Variants in ACTA2 observed in about 807,000 individuals in gnomAD.
ACTA2 encodes actin, aortic smooth muscle.
ACTA2 carries 12 observed loss-of-function variants against 39.5 expected under a neutral mutation model. That is an observed-to-expected ratio of 0.30 (90% CI 0.19 to 0.49). The LOEUF (loss-of-function observed/expected upper bound fraction) is 0.49, where lower values mean the gene tolerates loss of function less well. Ranked by LOEUF, ACTA2 falls within the 20% of genes least tolerant of loss-of-function variation. The pLI is 0.99. For missense variants in ACTA2, 236 were observed against 498.8 expected (o/e 0.47, Z 5.02); for synonymous variants, 158 against 180.6 (o/e 0.88, Z 1.00).
intron 1 of ACTA2, among the ~76,000 whole-genome samples, chr10:88,978,517 C>G (rs1846629775): frequency 6.6e-6 from 1 of 152,170 alleles, no homozygotes; most frequent in Admixed American, 6.5e-5. Flanking sequence ...TCTGCTCAGC[C>G]TTTCATCACC....
Position 88,991,185 on chromosome 10 carries a change from C to T in ACTA2, c.-270G>A, listed in dbSNP as rs1847177932. The T allele has an allele frequency of 8.7e-6, 5 of 575,046 alleles. No individual in the cohort carries two copies. The East Asian group carries it at 1.5e-4, about 17-fold the overall frequency. 35.6% of individuals were successfully genotyped at this position (575,046 alleles called of 1,614,324 possible). On this transcript the variant is annotated 5_prime_UTR_variant, in exon 1 of 5. Coordinates refer to the ACTA2 transcript ENST00000415557. Reference sequence around the variant, plus strand: ...GGCAGGCGGGGCAGCTCCGGCGCTCCTCGGAGACCACTGCGCTCCACGTTG... The same window carrying T: ...GGCAGGCGGGGCAGCTCCGGCGCTCTTCGGAGACCACTGCGCTCCACGTTG...
intron 1 of ACTA2, among the ~76,000 whole-genome samples, chr10:88,958,068 C>T (rs1254929995): frequency 6.6e-6 from 1 of 152,144 alleles, no homozygotes; most frequent in Non-Finnish European, 1.5e-5. Context: ...CCACTTCTAC[C>T]CAACTAATTT....
intron 8 of ACTA2, among the ~76,000 whole-genome samples, chr10:88,937,804 G>A (rs902127269): frequency 6.6e-6 from 1 of 152,222 alleles, no homozygotes; most frequent in African/African-American, 2.4e-5. Context: ...GGGGAGCTCT[G>A]TTGACTTTGA....
At chr10:88,978,799 T>G (rs189590075) in intron 1 of ACTA2, among the ~76,000 whole-genome samples, 2 of 152,206 alleles carry the variant, frequency 1.3e-5, no homozygotes, top group Non-Finnish European at 2.9e-5. Flanking sequence ...CCACGTCTAA[T>G]GGTAATTTCT....
chr10:88,952,562 G>A (rs139731783), intron 1 of ACTA2, among the ~76,000 whole-genome samples, 169 bp downstream of exon 1: 6 of 152,228 alleles, frequency 3.9e-5, no homozygotes, highest in East Asian at 1.9e-4. Context: ...TGTCTTTAAC[G>A]TTAGATCATT....
At chr10:88,962,656 A>G (rs1324225282) in intron 1 of ACTA2, among the ~76,000 whole-genome samples, 1 of 152,122 alleles carries the variant, frequency 6.6e-6, no homozygotes, top group Non-Finnish European at 1.5e-5. Context: ...TTCAGTGTCT[A>G]AAATAAAAAG....
intron 6 of ACTA2, 46 bp from the exon 7 acceptor site, chr10:88,939,744 A>C: frequency 6.2e-7 from 1 of 1,604,604 alleles, no homozygotes; most frequent in Non-Finnish European, 8.5e-7. Flanking sequence ...GGGTCTGCAC[A>C]GGTGGCAAAG....
chr10:88,954,905 G>C (rs1447738236), upstream of ACTA2, among the ~76,000 whole-genome samples: 1 of 151,454 alleles, frequency 6.6e-6, no homozygotes, highest in African/African-American at 2.4e-5. Flanking sequence ...CACTGCATGG[G>C]TATGAGTGTG....
chr10:88,976,671 C>G (rs141046999), intron 1 of ACTA2, among the ~76,000 whole-genome samples: 67 of 152,222 alleles, frequency 4.4e-4, no homozygotes, highest in Middle Eastern at 3.4e-3. Flanking sequence ...TACACACCAA[C>G]TATTGAGACA....
intron 1 of ACTA2, chr10:88,973,076 T>G: frequency 7.6e-7 from 1 of 1,315,284 alleles, no homozygotes; most frequent in Non-Finnish European, 1.0e-6. Flanking sequence ...GTACTTAGTC[T>G]TTCAAAAAAT....
intron 1 of ACTA2, among the ~76,000 whole-genome samples, chr10:88,971,095 G>A (rs533309415): frequency 3.7e-4 from 56 of 152,286 alleles, no homozygotes; most frequent in African/African-American, 8.2e-4. Context: ...GAATAATGGC[G>A]TCTGATTTTC....
At chr10:88,980,305 G>T (rs1165235492) in intron 1 of ACTA2, among the ~76,000 whole-genome samples, 1 of 148,970 alleles carries the variant, frequency 6.7e-6, no homozygotes, top group East Asian at 1.9e-4. Context: ...GACACTTCAG[G>T]CCTTCTTTGA....
chr10:88,941,943 G>T, intron 4 of ACTA2, 74 bp from the exon 5 acceptor site: 1 of 1,367,508 alleles, frequency 7.3e-7, no homozygotes. Flanking sequence ...AGCACACCTG[G>T]TTGATGGATG....
intron 7 of ACTA2, among the ~76,000 whole-genome samples, chr10:88,939,151 C>T (rs934279572): frequency 6.6e-6 from 1 of 152,144 alleles, no homozygotes; most frequent in East Asian, 1.9e-4. Context: ...AACAGACTCA[C>T]TTTGAGTGCT....
chr10:88,941,735 A>G (rs769314559), intron 5 of ACTA2, 50 bp downstream of exon 5: 2 of 1,526,442 alleles, frequency 1.3e-6, no homozygotes, highest in South Asian at 2.3e-5. Context: ...ATTCAATCCC[A>G]TCTCTGGCAG....
intron 3 of ACTA2, 68 bp downstream of exon 3, chr10:88,947,190 G>T (rs1172608556): frequency 3.8e-6 from 6 of 1,598,230 alleles, no homozygotes; most frequent in Non-Finnish European, 5.1e-6. Context: ...CAGTAGTGTG[G>T]TGTTCTGTAT....
At chr10:88,939,840 C>T in intron 6 of ACTA2, 142 bp from the exon 7 acceptor site, 1 of 873,746 alleles carries the variant, frequency 1.1e-6, no homozygotes, top group Non-Finnish European at 1.8e-6. Context: ...CCAAAATCCA[C>T]AATGATAATG....
At chr10:88,952,671 C>T (rs1013459445) in intron 1 of ACTA2, 60 bp downstream of exon 1, 9 of 152,174 alleles carry the variant, frequency 5.9e-5, no homozygotes, top group African/African-American at 1.7e-4. Flanking sequence ...CTTATTATAC[C>T]GGGTAATTAA....
chr10:88,990,403 G>T lies in ACTA2; in HGVS notation c.-24+536C>A, dbSNP rs894714799. 2 of 444,644 alleles carry T rather than the reference G, an allele frequency of 4.5e-6. No homozygotes were observed. Among genetic ancestry groups the T allele is most frequent in the African/African-American group, 4.0e-5 (2 of 50,546 alleles). 27.5% of individuals were successfully genotyped at this position (444,644 alleles called of 1,614,324 possible). ...ACTACAGCAGAAGCCTTTAGAAAGG[G>T]CAGGAGGCCGGCTCTCGAGGTCCTC... On this transcript the variant is annotated intron_variant, in intron 1 of 4. Transcript: ENST00000415557. This position sits in a 1 kb window ranked among gnomAD's most constrained non-coding sequence, Gnocchi z 4.9.
Sources: gnomAD v4.1 joint callset for allele counts (sites outside exome capture counted in the v4.1 genomes callset) on GRCh38, gnomAD v4.1.1 for gene constraint, Gnocchi (gnomAD v3.1) non-coding constraint, MANE v1.5 for transcripts, NCBI Gene and HGNC (gene_info 2026-07-23, HGNC 2026-07-21) for gene names.